PTCHD1: variants seen among roughly 807,000 people sequenced by gnomAD.
PTCHD1 encodes the protein patched domain containing 1, also known as patched domain-containing protein 1.
PTCHD1 carries 3 observed loss-of-function variants against 34.6 expected under a neutral mutation model. The observed-to-expected ratio is 0.09, with a 90% CI of 0.04 to 0.22. PTCHD1 has a LOEUF of 0.22. Among genes scored for constraint, PTCHD1 ranks in the 10% least tolerant of loss-of-function variants. PTCHD1 has a pLI of 1.00. For synonymous variants in PTCHD1, 305 were observed against 283.1 expected (o/e 1.08, Z -0.77); for missense variants, 504 against 685.5 (o/e 0.74, Z 2.96).
intron 1 of PTCHD1, among the ~76,000 whole-genome samples, chrX:23,363,332 T>C (rs983445530): frequency 1.8e-5 from 2 of 112,465 alleles, no homozygotes; most frequent in African/African-American, 6.5e-5. Flanking sequence ...AGGGCAGCTT[T>C]GTTTACCTGC....
intron 1 of PTCHD1, among the ~76,000 whole-genome samples, chrX:23,366,951 CA>C (rs1483888569): frequency 6.4e-5 from 7 of 109,681 alleles, no homozygotes; most frequent in Non-Finnish European, 1.1e-4. Flanking sequence ...CACACACACA[CA>C]CCCCTGCATC....
At chrX:23,355,546 G>A (rs964834643) in intron 1 of PTCHD1, among the ~76,000 whole-genome samples, 8 of 112,847 alleles carry the variant, frequency 7.1e-5, no homozygotes, top group Non-Finnish European at 1.5e-4. Flanking sequence ...ATTATTTTAA[G>A]TGGTTAGTGT....
At position 23,379,737 on chromosome X, in the gene PTCHD1, C is replaced by T; in HGVS notation, c.498C>T (p.Thr166=). Reference sequence around the variant, plus strand: ...AAGAGCTAAAGAATGCTCGGGCCACCAATCGGACCAATTTTGCTATCACAT... The same window carrying T: ...AAGAGCTAAAGAATGCTCGGGCCACTAATCGGACCAATTTTGCTATCACAT... ...VLEELKNARA[T]NRTNFAITYP... The change falls in exon 2 of 3, where the codon ACC becomes ACT. Residue 166 remains threonine, a synonymous_variant. Coordinates refer to ENST00000379361, the MANE Select transcript of PTCHD1 (RefSeq NM_173495.3). 6 of 1,211,077 alleles carry T rather than the reference C, an allele frequency of 5.0e-6. No homozygotes were observed. Among genetic ancestry groups the T allele is most frequent in the Non-Finnish European group, 6.7e-6 (6 of 895,389 alleles).
At chrX:23,360,535 CTCTTT>C (rs1411324267) in intron 1 of PTCHD1, among the ~76,000 whole-genome samples, 1 of 111,130 alleles carries the variant, frequency 9.0e-6, no homozygotes, top group African/African-American at 3.3e-5. Flanking sequence ...TGATTCTTCC[CTCTTT>C]TCTTCTTTAT....
At position 23,366,952 on chromosome X, in the gene PTCHD1, ACC is replaced by A. The variant is rs1312128389; in HGVS notation, c.352-12636_352-12635del. Among the ~76,000 whole-genome samples the A allele has an allele frequency of 4.7e-3, 437 of 92,519 alleles. 3 individuals carry two copies. Among genetic ancestry groups the A allele is most frequent in the African/African-American group, 0.017 (424 of 24,985 alleles). The allele number at this position is 92,519 out of a possible 115,157, so 80.3% of individuals were successfully genotyped here. ...CACACACACACACACACACACACAC[ACC>A]CCTGCATCCCCCTCACATATGCATA... On this transcript the variant is annotated intron_variant, in intron 1 of 2. Transcript: ENST00000379361.
Position 23,402,275 on chromosome X carries a change from A to G in PTCHD1, c.*8090A>G, listed in dbSNP as rs1219943155. 1 of 111,369 alleles carries G rather than the reference A, an allele frequency of 9.0e-6. No individual in the cohort carries two copies. The highest frequency in any genetic ancestry group is 3.3e-5 in the African/African-American group (1 of 30,484). 9.2% of individuals were successfully genotyped at this position (111,369 alleles called of 1,213,427 possible). A position where few individuals can be genotyped will look rare whatever the true frequency, so the allele number is the denominator to read the frequency against. ...AGCAACAGAAGAACTATCCAAGACTAGAAGCTTAGAAGCTTATACCAAACT... is the reference window on the plus strand; with the variant it reads ...AGCAACAGAAGAACTATCCAAGACTGGAAGCTTAGAAGCTTATACCAAACT... On this transcript the variant is annotated 3_prime_UTR_variant, in exon 3 of 3. Coordinates refer to ENST00000379361, the MANE Select transcript of PTCHD1 (RefSeq NM_173495.3).
At chrX:23,339,364 A>G (rs1921250414) in intron 1 of PTCHD1, among the ~76,000 whole-genome samples, 1 of 111,755 alleles carries the variant, frequency 8.9e-6, no homozygotes, top group Non-Finnish European at 1.9e-5. Flanking sequence ...GCCTTTGTAC[A>G]AAGTCCTCTT....
chrX:23,339,842 G>A (rs1253512098), intron 1 of PTCHD1, among the ~76,000 whole-genome samples: 1 of 112,522 alleles, frequency 8.9e-6, no homozygotes, highest in Non-Finnish European at 1.9e-5. Context: ...GGCTCGCGAA[G>A]CCCGAGAGAT....
At chrX:23,364,371 GACACACACACACAC>G (rs200572986) in intron 1 of PTCHD1, among the ~76,000 whole-genome samples, 162 of 91,989 alleles carry the variant, frequency 1.8e-3, no homozygotes, top group Admixed American at 2.4e-3. Flanking sequence ...GAAGAGTGTA[GACACACACACACAC>G]ACACACACAC....
intron 1 of PTCHD1, among the ~76,000 whole-genome samples, chrX:23,376,041 G>C (rs1922405778): frequency 8.9e-6 from 1 of 111,817 alleles, no homozygotes; most frequent in Non-Finnish European, 1.9e-5. Context: ...AAAGCACTTG[G>C]CGTTGTTTAC....
rs1355342113 is a variant in PTCHD1, at chrX:23,403,761, C to A, written c.*9576C>A. 1 of 111,303 alleles carries A rather than the reference C, an allele frequency of 9.0e-6. No homozygotes were observed. The highest frequency in any genetic ancestry group is 3.3e-5 in the African/African-American group (1 of 30,576). 9.2% of individuals were successfully genotyped at this position (111,303 alleles called of 1,213,427 possible). ...AGGCTGTGTATGCCACCCCAGACCCCTGCATTTCTTAATATCTATAAAAAT... is the reference window on the plus strand; with the variant it reads ...AGGCTGTGTATGCCACCCCAGACCCATGCATTTCTTAATATCTATAAAAAT... On this transcript the variant is annotated 3_prime_UTR_variant, in exon 3 of 3. Coordinates refer to ENST00000379361, the MANE Select transcript of PTCHD1 (RefSeq NM_173495.3).
intron 1 of PTCHD1, among the ~76,000 whole-genome samples, chrX:23,374,350 C>T (rs1042891396): frequency 9.4e-6 from 1 of 105,949 alleles, no homozygotes; most frequent in African/African-American, 3.4e-5. Context: ...CCTCTAAACC[C>T]ACAGGTATTT....
At chrX:23,382,296 T>C (rs1429098015) in intron 2 of PTCHD1, among the ~76,000 whole-genome samples, 1 of 112,892 alleles carries the variant, frequency 8.9e-6, no homozygotes, top group Non-Finnish European at 1.9e-5. Flanking sequence ...TAAACTAAAA[T>C]AGCAGTATTC....
intron 1 of PTCHD1, among the ~76,000 whole-genome samples, chrX:23,358,772 T>G (rs1317422748): frequency 1.8e-5 from 2 of 110,828 alleles, no homozygotes; most frequent in Non-Finnish European, 3.8e-5. Flanking sequence ...AGGGTTTTTA[T>G]GGTTTTAGGT....
At chrX:23,342,326 TTTTTTTA>T (rs1404867411) in intron 1 of PTCHD1, among the ~76,000 whole-genome samples, 2,847 of 49,737 alleles carry the variant, frequency 0.057, 149 homozygotes, top group African/African-American at 0.26. Context: ...TTTTTTTTTT[TTTTTTTA>T]AAAGAATTGG....
chrX:23,350,895 A>C, intron 1 of PTCHD1: 1 of 148,672 alleles, frequency 6.7e-6, no homozygotes, highest in Non-Finnish European at 1.3e-5. Context: ...TTACTGAGTA[A>C]CTTTGTTTGC....
intron 1 of PTCHD1, among the ~76,000 whole-genome samples, chrX:23,367,373 C>G (rs903253114): frequency 8.0e-5 from 9 of 111,814 alleles, no homozygotes; most frequent in African/African-American, 2.6e-4. Flanking sequence ...TTTCATTAGC[C>G]AAATTAGCAA....
chrX:23,344,609 G>A (rs1921427167), intron 1 of PTCHD1, among the ~76,000 whole-genome samples: 1 of 111,579 alleles, frequency 9.0e-6, no homozygotes, highest in Admixed American at 9.5e-5. Flanking sequence ...ACCTACTGCT[G>A]AGCATGCAGC....
intron 1 of PTCHD1, among the ~76,000 whole-genome samples, chrX:23,377,480 C>T (rs1284665102): frequency 1.8e-5 from 2 of 111,017 alleles, no homozygotes; most frequent in Non-Finnish European, 3.8e-5. Flanking sequence ...ACTTTCACAG[C>T]TTAAAATCAT....
Sources: allele counts gnomAD v4.1 joint callset (sites outside exome capture counted in the v4.1 genomes callset), GRCh38; gene constraint gnomAD v4.1.1; transcripts MANE v1.5; gene names NCBI Gene and HGNC (gene_info 2026-07-23, HGNC 2026-07-21).